RANBP2: variants seen among roughly 807,000 people sequenced by gnomAD.
The protein encoded by RANBP2 is E3 SUMO-protein ligase RanBP2.
Under a neutral mutation model 303.6 loss-of-function variants are expected in RANBP2, and 57 were observed. The observed-to-expected ratio is 0.19, with a 90% confidence interval of 0.15 to 0.23. The LOEUF (loss-of-function observed/expected upper bound fraction) is 0.23, where lower values mean the gene tolerates loss of function less well. Among genes scored for constraint, RANBP2 ranks in the 10% least tolerant of loss-of-function variants. The probability of loss-of-function intolerance (pLI) is 1.00; values close to 1 mark genes in which losing one functional copy is unlikely to be tolerated. For missense variants in RANBP2, 3,138 were observed against 3,780.8 expected, an observed-to-expected ratio of 0.83 and a Z score of 4.46; for synonymous variants, 1,167 against 1,301.5, an observed-to-expected ratio of 0.90 and a Z score of 2.23.
chr2:108,752,724 C>G (rs574263448), intron 12 of RANBP2, among the ~76,000 whole-genome samples: 1 of 150,174 alleles, frequency 6.7e-6, no homozygotes, highest in Non-Finnish European at 1.5e-5. Flanking sequence ...ACCCAGGAGG[C>G]GGAGCTTGCA....
At chr2:109,426,658 A>G in the RANBP2 span, among the ~76,000 whole-genome samples, 11 of 152,204 alleles carry the variant, frequency 7.2e-5, no homozygotes, top group African/African-American at 2.7e-4. Flanking sequence ...AATAGCACAT[A>G]AACAGTTGAT....
At chr2:108,873,966 G>A in the RANBP2 span, among the ~76,000 whole-genome samples, 4 of 151,914 alleles carry the variant, frequency 2.6e-5, no homozygotes, top group African/African-American at 4.8e-5. Flanking sequence ...AAATACTAAC[G>A]CTGATCTAAG....
chr2:109,616,186 G>A, the RANBP2 span: 2 of 1,373,050 alleles, frequency 1.5e-6, no homozygotes, highest in Admixed American at 7.0e-5. Flanking sequence ...TTGAGGGATC[G>A]GAATGGATGG....
chr2:108,815,141 A>G, the RANBP2 span, among the ~76,000 whole-genome samples: 11 of 152,128 alleles, frequency 7.2e-5, no homozygotes, highest in Non-Finnish European at 1.0e-4. Context: ...AAAAATGTTC[A>G]TATGTGTATT....
chr2:109,485,768 TC>T, the RANBP2 span, among the ~76,000 whole-genome samples: 3 of 152,256 alleles, frequency 2.0e-5, no homozygotes, highest in African/African-American at 7.2e-5. Context: ...TGGATATAAC[TC>T]ATAAGCTCTC....
the RANBP2 span, among the ~76,000 whole-genome samples, chr2:109,596,007 T>C: frequency 6.6e-6 from 1 of 152,178 alleles, no homozygotes; most frequent in African/African-American, 2.4e-5. Context: ...TTATTTTGAC[T>C]TGTCAAGTAT....
At chr2:109,361,609 G>C in the RANBP2 span, among the ~76,000 whole-genome samples, 2 of 152,130 alleles carry the variant, frequency 1.3e-5, no homozygotes, top group Non-Finnish European at 2.9e-5. Context: ...AAGTAGCTGG[G>C]ACTACAGGCA....
the RANBP2 span, chr2:109,130,232 C>A: frequency 1.0e-6 from 1 of 964,062 alleles, no homozygotes; most frequent in Non-Finnish European, 1.3e-6. Flanking sequence ...CGTTGGCCCA[C>A]TCCGCTGTTG....
the RANBP2 span, among the ~76,000 whole-genome samples, chr2:109,108,483 G>C: frequency 6.6e-6 from 1 of 152,260 alleles, no homozygotes; most frequent in African/African-American, 2.4e-5. Flanking sequence ...TGAATGATAC[G>C]GAGGAAGGAA....
the RANBP2 span, among the ~76,000 whole-genome samples, chr2:109,430,449 C>T: frequency 6.6e-6 from 1 of 152,066 alleles, no homozygotes; most frequent in African/African-American, 2.4e-5. Flanking sequence ...AAGCCACCCT[C>T]CTCTCCTCTC....
downstream of RANBP2, among the ~76,000 whole-genome samples, chr2:108,786,399 T>C (rs1310965817): frequency 2.0e-5 from 3 of 152,026 alleles, no homozygotes; most frequent in East Asian, 3.9e-4. Flanking sequence ...GGCTCAGATA[T>C]ACTCTTGGTT....
In RANBP2 at chr2:108,782,162, T is replaced by C. The variant is rs1678298532; in HGVS notation, c.8795T>C (p.Ile2932Thr). ...EVKSGEEDEE[I>T]LFKERAKLYR... ...AAATCTGGAGAAGAAGATGAAGAAA[T>C]TTTGTTTAAAGAGAGAGCCAAACTT... The change falls in exon 27 of 29, where the codon ATT (isoleucine) becomes ACT (threonine). Residue 2932 changes from isoleucine (I) to threonine (T), a missense_variant. By Grantham distance (89) the Ile-to-Thr change is moderately conservative. Transcript: ENST00000283195. 6.2e-7 allele frequency: 1 copy of C among 1,614,012 alleles called. No individual in the cohort carries two copies. The highest frequency in any genetic ancestry group is 8.5e-7 in the Non-Finnish European group (1 of 1,180,016).
the RANBP2 span, among the ~76,000 whole-genome samples, chr2:109,375,327 C>T: frequency 1.3e-5 from 2 of 152,222 alleles, no homozygotes; most frequent in African/African-American, 2.4e-5. Flanking sequence ...CTCCTGCGGC[C>T]GTCCCCACGC....
chr2:108,898,979 G>A, the RANBP2 span, among the ~76,000 whole-genome samples: 2 of 152,096 alleles, frequency 1.3e-5, no homozygotes, highest in African/African-American at 4.8e-5. Context: ...CAGAAGGAGA[G>A]GAGAAGAGAG....
the RANBP2 span, among the ~76,000 whole-genome samples, chr2:109,519,776 T>C: frequency 8.5e-5 from 13 of 152,342 alleles, no homozygotes; most frequent in African/African-American, 2.9e-4. Flanking sequence ...AGGGCGTTGC[T>C]TTCTATTGCC....
the RANBP2 span, among the ~76,000 whole-genome samples, chr2:109,386,639 C>G: frequency 6.6e-6 from 1 of 152,180 alleles, no homozygotes; most frequent in Non-Finnish European, 1.5e-5. Flanking sequence ...ACTTTCTGAG[C>G]TCTTAGAGCT....
the RANBP2 span, chr2:109,585,176 C>T: frequency 6.2e-7 from 1 of 1,609,360 alleles, no homozygotes; most frequent in Non-Finnish European, 8.5e-7. Flanking sequence ...TCACAATGGT[C>T]AATTTCAATT....
At chr2:108,907,467 GA>G in the RANBP2 span, among the ~76,000 whole-genome samples, 1 of 152,196 alleles carries the variant, frequency 6.6e-6, no homozygotes, top group South Asian at 2.1e-4. Context: ...GCAACACAGT[GA>G]AACCTCGTCT....
chr2:109,671,274 A>G, the RANBP2 span, among the ~76,000 whole-genome samples: 2 of 152,156 alleles, frequency 1.3e-5, no homozygotes, highest in Non-Finnish European at 2.9e-5. Flanking sequence ...CCAGAGTGGT[A>G]GGAGGTGGCC....
Sources: allele counts gnomAD v4.1 joint callset (sites outside exome capture counted in the v4.1 genomes callset), GRCh38; gene constraint gnomAD v4.1.1; transcripts MANE v1.5; gene names NCBI Gene and HGNC (gene_info 2026-07-23, HGNC 2026-07-21).